Variants in FCHSD2 observed in about 807,000 individuals in gnomAD.
FCHSD2 encodes the protein F-BAR and double SH3 domains protein 2.
Under a neutral mutation model 108.1 loss-of-function variants are expected in FCHSD2, and 38 were observed. That is an observed-to-expected ratio of 0.35 (90% CI 0.27 to 0.46). The LOEUF is 0.46. FCHSD2 is among the 20% of genes least tolerant of loss of function. FCHSD2 has a pLI of 1.00. For synonymous variants in FCHSD2, 279 were observed against 314.7 expected, an observed-to-expected ratio of 0.89 and a Z score of 1.20; for missense variants, 751 against 897.8, an observed-to-expected ratio of 0.84 and a Z score of 2.09.
At chr11:72,941,353 A>G (rs1453367441) in intron 8 of FCHSD2, among the ~76,000 whole-genome samples, 2 of 151,736 alleles carry the variant, frequency 1.3e-5, no homozygotes, top group African/African-American at 2.4e-5. Context: ...CGTTCAAAAT[A>G]GTATCTAAGA....
At chr11:72,927,566 T>TA (rs1285675010) in intron 8 of FCHSD2, among the ~76,000 whole-genome samples, 3 of 152,246 alleles carry the variant, frequency 2.0e-5, no homozygotes, top group South Asian at 2.1e-4. Context: ...AAAGTCTGAT[T>TA]AAAAAAACAG....
intron 13 of FCHSD2, 129 bp downstream of exon 13, chr11:72,867,736 G>T: frequency 1.4e-6 from 1 of 725,648 alleles, no homozygotes; most frequent in Non-Finnish European, 2.2e-6. Flanking sequence ...ATAGGCTGAA[G>T]AATAAAACCT....
At chr11:72,878,754 A>T (rs1855020872) in intron 12 of FCHSD2, among the ~76,000 whole-genome samples, 1 of 152,218 alleles carries the variant, frequency 6.6e-6, no homozygotes, top group Non-Finnish European at 1.5e-5. Context: ...AATAACTACT[A>T]AGAAAAGAAT....
chr11:72,907,603 T>TTC (rs1193733611), intron 9 of FCHSD2, among the ~76,000 whole-genome samples: 1 of 143,590 alleles, frequency 7.0e-6, no homozygotes, highest in African/African-American at 2.7e-5. Flanking sequence ...ACGTGGGTTT[T>TTC]TTTTTTTTTT....
At chr11:73,131,397 C>T (rs911682732) in intron 2 of FCHSD2, among the ~76,000 whole-genome samples, 5 of 150,604 alleles carry the variant, frequency 3.3e-5, no homozygotes, top group African/African-American at 4.9e-5. Context: ...GGCATGGTGG[C>T]GGGCACCTGT....
At chr11:73,140,588 G>A (rs1218907678) in intron 1 of FCHSD2, among the ~76,000 whole-genome samples, 2 of 152,184 alleles carry the variant, frequency 1.3e-5, no homozygotes, top group African/African-American at 4.8e-5. Flanking sequence ...TGCCTGAATC[G>A]ACTACATAAA....
intron 6 of FCHSD2, among the ~76,000 whole-genome samples, chr11:72,987,933 A>G (rs976349758): frequency 1.3e-5 from 2 of 152,246 alleles, no homozygotes; most frequent in Non-Finnish European, 2.9e-5. Context: ...TCAAACAATA[A>G]AACAATAAAT....
intron 2 of FCHSD2, among the ~76,000 whole-genome samples, chr11:73,124,336 C>T (rs2135562603): frequency 6.6e-6 from 1 of 152,086 alleles, no homozygotes; most frequent in South Asian, 2.1e-4. Flanking sequence ...GTGCAGCACA[C>T]TAATATGGCA....
At chr11:73,124,479 G>T (rs1030774450) in intron 2 of FCHSD2, among the ~76,000 whole-genome samples, 7 of 152,164 alleles carry the variant, frequency 4.6e-5, no homozygotes, top group African/African-American at 1.4e-4. Flanking sequence ...TAATGGGCCA[G>T]GCGCAGTGGC....
chr11:72,957,231 T>C lies in FCHSD2; in HGVS notation c.705+26857A>G, dbSNP rs960883176. 4.6e-5 allele frequency among the ~76,000 whole-genome samples: 6 copies of C among 131,162 alleles called. No individual in the cohort carries two copies. In the Admixed American group the frequency reaches 5.3e-4, roughly 12 times the overall value. 86.0% of individuals were successfully genotyped at this position (131,162 alleles called of 152,430 possible). A position where few individuals can be genotyped will look rare whatever the true frequency, so the allele number is the denominator to read the frequency against. On this transcript the variant is annotated intron_variant, in intron 8 of 19. Coordinates refer to ENST00000409418, the MANE Select transcript of FCHSD2 (RefSeq NM_014824.3). Reference sequence around the variant, plus strand: ...CCAGAGTGTGATATTCCCCTTCCTGTGTCCATGTGATCTCATTGTTCAATT... The same window carrying C: ...CCAGAGTGTGATATTCCCCTTCCTGCGTCCATGTGATCTCATTGTTCAATT...
intron 2 of FCHSD2, among the ~76,000 whole-genome samples, chr11:73,088,570 G>A (rs1177452597): frequency 6.6e-6 from 1 of 151,468 alleles, no homozygotes; most frequent in Non-Finnish European, 1.5e-5. Flanking sequence ...ATAATTTCTG[G>A]TGTTTTAGTA....
chr11:73,096,913 C>T (rs1860091947), intron 2 of FCHSD2, among the ~76,000 whole-genome samples: 2 of 145,040 alleles, frequency 1.4e-5, no homozygotes, highest in African/African-American at 2.6e-5. Context: ...ATGTGAAATG[C>T]TTTTTCTGCC....
chr11:72,963,721 C>A (rs758129252), intron 8 of FCHSD2, among the ~76,000 whole-genome samples: 1 of 152,102 alleles, frequency 6.6e-6, no homozygotes, highest in Non-Finnish European at 1.5e-5. Flanking sequence ...TCTTCACATG[C>A]GCAGTTCACA....
intron 3 of FCHSD2, among the ~76,000 whole-genome samples, chr11:73,080,153 C>T (rs535931002): frequency 2.0e-3 from 304 of 151,732 alleles, no homozygotes; most frequent in African/African-American, 7.1e-3. Flanking sequence ...AAATACTAGA[C>T]GGGTATGGTG....
At chr11:73,027,410 G>T (rs1246479948) in intron 3 of FCHSD2, among the ~76,000 whole-genome samples, 1 of 152,194 alleles carries the variant, frequency 6.6e-6, no homozygotes, top group Non-Finnish European at 1.5e-5. Flanking sequence ...TCTGGCAGAA[G>T]AAATTTCTAA....
At chr11:73,034,151 T>C (rs1428119604) in intron 3 of FCHSD2, among the ~76,000 whole-genome samples, 1 of 152,194 alleles carries the variant, frequency 6.6e-6, no homozygotes, top group Non-Finnish European at 1.5e-5. Context: ...TATGTATACA[T>C]GTGCCGTGGT....
intron 8 of FCHSD2, among the ~76,000 whole-genome samples, chr11:72,972,945 A>G (rs1311612434): frequency 6.6e-6 from 1 of 152,262 alleles, no homozygotes; most frequent in Admixed American, 6.5e-5. Context: ...CTTCTAATGC[A>G]TACCACTTCT....
Position 72,916,714 on chromosome 11 carries a change from A to G in FCHSD2, c.828+5114T>C, listed in dbSNP as rs114983577. The stretch of plus-strand genomic sequence containing the variant: ...ACTTTTATCAGATATGTGATGTGCA[A>G]ATATTTTCTCTCATCATTTGGGTTG... On this transcript the variant is annotated intron_variant, in intron 9 of 19. Coordinates refer to ENST00000409418, the MANE Select transcript of FCHSD2 (RefSeq NM_014824.3). Among the ~76,000 whole-genome samples, 682 of 152,276 alleles carry G rather than the reference A, an allele frequency of 4.5e-3. 4 individuals carry two copies. The highest frequency in any genetic ancestry group is 0.016 in the African/African-American group (648 of 41,550).
At chr11:72,882,815 A>G (rs1855117305) in intron 12 of FCHSD2, among the ~76,000 whole-genome samples, 1 of 152,246 alleles carries the variant, frequency 6.6e-6, no homozygotes, top group Admixed American at 6.5e-5. Flanking sequence ...TGCAATCCCA[A>G]TCAAAATGCC....
Sources: allele counts gnomAD v4.1 joint callset (sites outside exome capture counted in the v4.1 genomes callset), GRCh38; gene constraint gnomAD v4.1.1; transcripts MANE v1.5; gene names NCBI Gene and HGNC (gene_info 2026-07-23, HGNC 2026-07-21).